ADH5: variants seen among roughly 807,000 people sequenced by gnomAD.
ADH5 encodes alcohol dehydrogenase class-3.
A neutral mutation model predicts 40.3 loss-of-function variants in ADH5; 32 were observed. The ratio of observed to expected loss-of-function variants is 0.79; its 90% CI spans 0.60 to 1.07. The LOEUF is 1.07. ADH5 is among the 50% of genes least tolerant of loss of function. ADH5 has a pLI of 0.00. For missense variants in ADH5, 353 were observed against 460.5 expected, an observed-to-expected ratio of 0.77 and a Z score of 2.14; for synonymous variants, 125 against 154.3, an observed-to-expected ratio of 0.81 and a Z score of 1.41.
intron 2 of ADH5, among the ~76,000 whole-genome samples, chr4:99,084,107 A>G (rs1728082560): frequency 6.6e-6 from 1 of 152,208 alleles, no homozygotes; most frequent in South Asian, 2.1e-4. Flanking sequence ...TCGCTGTAGC[A>G]AAACTGAAGA....
chr4:99,072,683 C>G lies in ADH5; in HGVS notation c.990G>C (p.Lys330Asn). The G allele has an allele frequency of 6.2e-7, 1 of 1,612,274 alleles. No homozygotes were observed. The highest frequency in any genetic ancestry group is 8.5e-7 in the Non-Finnish European group (1 of 1,179,402). Reference protein sequence around the residue: ...GGWKSVESVPKLVSEYMSKKI... With the variant: ...GGWKSVESVPNLVSEYMSKKI... The stretch of plus-strand genomic sequence containing the variant: ...TTTTGGACATATATTCAGACACCAA[C>G]TTTGGGACACTTTCTACACTCTTCC... The change falls in exon 8 of 9, where the codon AAG (lysine) becomes AAC (asparagine). Residue 330 changes from lysine (K) to asparagine (N), a missense_variant. Lys to Asn is a moderately conservative substitution (Grantham distance 94). Transcript: ENST00000296412.
chr4:99,073,369 G>A (rs1159047475), intron 7 of ADH5, among the ~76,000 whole-genome samples: 1 of 152,156 alleles, frequency 6.6e-6, no homozygotes, highest in African/African-American at 2.4e-5. Flanking sequence ...TAGTAAAGAT[G>A]GGGTTTCACC....
chr4:99,085,251 C>A, intron 1 of ADH5, 35 bp from the exon 2 acceptor site: 1 of 1,175,306 alleles, frequency 8.5e-7, no homozygotes, highest in South Asian at 1.9e-5. Flanking sequence ...AGCTGTTTAT[C>A]CTCCTAAACA....
At position 99,088,785 on chromosome 4, in the gene ADH5, C is replaced by CGAG. The variant is rs1728206946; in HGVS notation, c.-88_-86dup. 1 of 246,696 alleles carries CGAG rather than the reference C, an allele frequency of 4.1e-6. No individual in the cohort carries two copies. 15.3% of individuals were successfully genotyped at this position (246,696 alleles called of 1,614,324 possible). On this transcript the variant is annotated 5_prime_UTR_variant, in exon 1 of 9. Transcript: ENST00000296412. ...AGGCATGGGCGTGGCGAGCGCCTAG[C>CGAG]GAGGGGGGCGGGGCGTGGGGGGGGC...
chr4:99,075,665 T>A (rs1727911093), intron 6 of ADH5: 1 of 152,336 alleles, frequency 6.6e-6, no homozygotes, highest in Non-Finnish European at 1.5e-5. Context: ...TAGTAATACT[T>A]TTACTGAGTG....
intron 1 of ADH5, among the ~76,000 whole-genome samples, chr4:99,086,348 C>G (rs991013044): frequency 6.6e-6 from 1 of 152,032 alleles, no homozygotes; most frequent in Non-Finnish European, 1.5e-5. Flanking sequence ...GAGAATCACA[C>G]GTAATGAGAA....
At chr4:99,073,987 T>G (rs7683802) in intron 7 of ADH5, among the ~76,000 whole-genome samples, 13,483 of 152,012 alleles carry the variant, frequency 0.089, 643 homozygotes, top group Middle Eastern at 0.11. Flanking sequence ...GAAGAGGAGG[T>G]CAAGTCAGAT....
chr4:99,088,372 T>C (rs1343167052), intron 1 of ADH5, among the ~76,000 whole-genome samples: 2 of 152,144 alleles, frequency 1.3e-5, no homozygotes, highest in African/African-American at 4.8e-5. Context: ...AAGCAATGCG[T>C]GGCCGCTCCT....
chr4:99,075,177 T>C, intron 6 of ADH5, 128 bp from the exon 7 acceptor site: 1 of 754,956 alleles, frequency 1.3e-6, no homozygotes, highest in Non-Finnish European at 2.0e-6. Context: ...ACTTAACATT[T>C]AGTGAGCTCA....
chr4:99,073,697 T>C (rs553959606), intron 7 of ADH5, among the ~76,000 whole-genome samples: 2 of 152,236 alleles, frequency 1.3e-5, no homozygotes, highest in African/African-American at 4.8e-5. Context: ...AATGTCCTGG[T>C]AACTGAGATG....
In ADH5 at chr4:99,076,486, A is replaced by T; in HGVS notation, c.631T>A (p.Cys211Ser). 2 of 1,614,222 alleles carry T rather than the reference A, an allele frequency of 1.2e-6. No homozygotes were observed. Among genetic ancestry groups the T allele is most frequent in the Non-Finnish European group, 1.7e-6 (2 of 1,180,022 alleles). Residue 211 changes from cysteine to serine, a missense_variant, in exon 6 of 9, where the codon TGT (cysteine) becomes AGT (serine). By Grantham distance (112) the Cys-to-Ser change is moderately radical. Coordinates refer to ENST00000296412, the MANE Select transcript of ADH5 (RefSeq NM_000671.4). ...GGVGLAVIMG[C>S]KVAGASRIIG... ...ATCCGGGAAGCACCAGCCACTTTAC[A>T]GCCCATGATAACTGCCAATCCGACT...
rs202151319 is a variant in ADH5, at chr4:99,076,435, T to A, written c.682A>T (p.Lys228Ter). 36 of 1,614,080 alleles carry A rather than the reference T, an allele frequency of 2.2e-5. No individual in the cohort carries two copies. The highest frequency in any genetic ancestry group is 2.6e-5 in the Non-Finnish European group (31 of 1,180,042). Residue 228 changes from lysine (K) to a stop codon, truncating the protein, a stop_gained, in exon 6 of 9, where the codon AAA (lysine) becomes TAA (stop). Coordinates refer to ENST00000296412, the MANE Select transcript of ADH5 (RefSeq NM_000671.4). LOFTEE classifies it high-confidence loss of function. ...CCAAACTCTTTGGCCCTTGCAAATTTATCTTTATTGATGTCCACACCAATG... is the reference window on the plus strand; with the variant it reads ...CCAAACTCTTTGGCCCTTGCAAATTAATCTTTATTGATGTCCACACCAATG... ...RIIGVDINKD[K>*]FARAKEFGAT...
Position 99,082,163 on chromosome 4 carries a change from AT to A in ADH5, c.115-48del, listed in dbSNP as rs771926094. On this transcript the variant is annotated intron_variant, in intron 2 of 8. Coordinates refer to ENST00000296412, the MANE Select transcript of ADH5 (RefSeq NM_000671.4). The stretch of plus-strand genomic sequence containing the variant: ...GAATGTGTAAGTATGTGTGCATGCA[AT>A]TCAGAGGTACAGATACAAGAAAAGT... 9.0e-5 allele frequency: 142 copies of A among 1,585,694 alleles called. No individual in the cohort carries two copies. The African/African-American group carries it at 1.7e-3, about 19-fold the overall frequency.
intron 7 of ADH5, 102 bp downstream of exon 7, chr4:99,074,812 G>T: frequency 1.5e-6 from 2 of 1,331,458 alleles, no homozygotes; most frequent in Non-Finnish European, 2.0e-6. Context: ...AGGAACTCAT[G>T]AAGATTCTTG....
In ADH5 at chr4:99,083,600, C is replaced by CAA. The variant is rs6148593; in HGVS notation, c.115-1486_115-1485dup. ...GGGCGACAGAGTGAAACTCTGTCTC[C>CAA]AAAAAAAAAAAAAAAAAAAAAAAAA... On this transcript the variant is annotated intron_variant, in intron 2 of 8. Coordinates refer to ENST00000296412, the MANE Select transcript of ADH5 (RefSeq NM_000671.4). 6.0e-3 allele frequency among the ~76,000 whole-genome samples: 510 copies of CAA among 85,148 alleles called. 8 individuals carry two copies. Among genetic ancestry groups the CAA allele is most frequent in the African/African-American group, 0.018 (484 of 26,460 alleles). 55.9% of individuals were successfully genotyped at this position (85,148 alleles called of 152,430 possible).
In ADH5 at chr4:99,071,061, C is replaced by T. The variant is rs1727825534; in HGVS notation, c.*1356G>A. Reference sequence around the variant, plus strand: ...CACAAGATAGACTAGAAGATATTTGCAACATATAAAACTGACAAATGATTG... The same window carrying T: ...CACAAGATAGACTAGAAGATATTTGTAACATATAAAACTGACAAATGATTG... On this transcript the variant is annotated 3_prime_UTR_variant, in exon 9 of 9. Transcript: ENST00000296412. 6.6e-6 allele frequency: 1 copy of T among 152,030 alleles called. No homozygotes were observed. Among genetic ancestry groups the T allele is most frequent in the South Asian group, 2.1e-4 (1 of 4,818 alleles). The allele number at this position is 152,030 out of a possible 1,614,324, so 9.4% of individuals were successfully genotyped here.
At chr4:99,084,654 T>G (rs1002486016) in intron 2 of ADH5, among the ~76,000 whole-genome samples, 1 of 152,252 alleles carries the variant, frequency 6.6e-6, no homozygotes, top group Non-Finnish European at 1.5e-5. Context: ...TTTGCTTCTC[T>G]AATAAACTTG....
At chr4:99,080,015 A>G (rs761190538) in intron 4 of ADH5, 26 of 454,996 alleles carry the variant, frequency 5.7e-5, no homozygotes, top group Non-Finnish European at 1.0e-4. Flanking sequence ...CAGTATATTT[A>G]TGGTTTGCTT....
Position 99,076,812 on chromosome 4 carries a change from C to A in ADH5, c.456G>T (p.Val152=). 1 of 1,613,904 alleles carries A rather than the reference C, an allele frequency of 6.2e-7. No homozygotes were observed. The highest frequency in any genetic ancestry group is 2.2e-5 in the East Asian group (1 of 44,888). ...CTATTTTAGCAACAGAGATATCAGC[C>A]ACAACTGTGTATTCAGAAAATGTGC... ...GTSTFSEYTV[V]ADISVAKIDP... The change falls in exon 5 of 9, where the codon GTG becomes GTT. Residue 152 remains valine, a synonymous_variant. Coordinates refer to ENST00000296412, the MANE Select transcript of ADH5 (RefSeq NM_000671.4).
Sources: gnomAD v4.1 joint callset for allele counts (sites outside exome capture counted in the v4.1 genomes callset) on GRCh38, gnomAD v4.1.1 for gene constraint, MANE v1.5 for transcripts, NCBI Gene and HGNC (gene_info 2026-07-23, HGNC 2026-07-21) for gene names.